Variants in DOCK4 observed in about 807,000 individuals in gnomAD.
DOCK4 encodes the protein dedicator of cytokinesis protein 4.
A neutral mutation model predicts 268.1 loss-of-function variants in DOCK4; 97 were observed. That is an observed-to-expected ratio of 0.36 (90% confidence interval 0.31 to 0.43). The LOEUF (loss-of-function observed/expected upper bound fraction) is 0.43, where lower values mean the gene tolerates loss of function less well. Ranked by LOEUF, DOCK4 falls within the 20% of genes least tolerant of loss-of-function variation. The probability of loss-of-function intolerance (pLI) is 1.00; values close to 1 mark genes in which losing one functional copy is unlikely to be tolerated. For missense variants in DOCK4, 2,145 were observed against 2,455.7 expected (o/e 0.87, Z 2.67); for synonymous variants, 954 against 887.2 (o/e 1.08, Z -1.34).
At chr7:111,804,305 A>T (rs1402386956) in intron 30 of DOCK4, among the ~76,000 whole-genome samples, 2 of 152,256 alleles carry the variant, frequency 1.3e-5, no homozygotes, top group Admixed American at 1.3e-4. Context: ...AATCTTGAGG[A>T]CAATCTGTTA....
At chr7:111,970,034 G>C (rs183965061) in intron 8 of DOCK4, among the ~76,000 whole-genome samples, 1 of 152,144 alleles carries the variant, frequency 6.6e-6, no homozygotes. Flanking sequence ...GACCTTGGAC[G>C]ATCAGTGATT....
rs144491143 is a variant in DOCK4, at chr7:112,041,266, T to C, written c.38-37135A>G. On this transcript the variant is annotated intron_variant, in intron 1 of 52. Coordinates refer to ENST00000428084, the MANE Select transcript of DOCK4 (RefSeq NM_001363540.2). ...GTAGCTGTCAGAGTAGATAAGAATATGCAATTATGAAGTTAAAAATGTATT... is the reference window on the plus strand; with the variant it reads ...GTAGCTGTCAGAGTAGATAAGAATACGCAATTATGAAGTTAAAAATGTATT... Among the ~76,000 whole-genome samples, 684 of 152,282 alleles carry C rather than the reference T, an allele frequency of 4.5e-3. 8 individuals are homozygous for C. The highest frequency in any genetic ancestry group is 0.016 in the African/African-American group (649 of 41,578).
intron 1 of DOCK4, among the ~76,000 whole-genome samples, chr7:112,195,278 C>CA (rs1426220605): frequency 1.3e-5 from 2 of 152,132 alleles, no homozygotes; most frequent in African/African-American, 2.4e-5. Context: ...GACTCCATCT[C>CA]AAAAAATAAA....
chr7:112,023,503 G>C (rs1322375597), intron 1 of DOCK4: 6 of 343,760 alleles, frequency 1.7e-5, no homozygotes, highest in African/African-American at 6.5e-5. Context: ...TTCTCACGGA[G>C]CAAAAGCTCA....
chr7:111,847,149 T>C, intron 23 of DOCK4, 23 bp from the exon 24 acceptor site: 1 of 1,613,118 alleles, frequency 6.2e-7, no homozygotes, highest in Non-Finnish European at 8.5e-7. Flanking sequence ...GAGTCATTAG[T>C]GTCACATCTG....
intron 30 of DOCK4, among the ~76,000 whole-genome samples, chr7:111,805,722 C>T (rs1273906251): frequency 6.6e-6 from 1 of 152,144 alleles, no homozygotes; most frequent in African/African-American, 2.4e-5. Flanking sequence ...AGAATTTCAA[C>T]ACTTCAGAGG....
intron 3 of DOCK4, among the ~76,000 whole-genome samples, chr7:111,998,759 CATA>C (rs1311521220): frequency 6.6e-6 from 1 of 152,044 alleles, no homozygotes; most frequent in African/African-American, 2.4e-5. Context: ...ACTCAGAAAA[CATA>C]ATGTTTATTA....
intron 26 of DOCK4, among the ~76,000 whole-genome samples, chr7:111,832,790 G>T (rs970260816): frequency 1.2e-4 from 19 of 152,224 alleles, no homozygotes; most frequent in Non-Finnish European, 2.6e-4. Context: ...AAAGTGCTGG[G>T]ATTACAGGCC....
At chr7:112,059,818 C>T (rs987505034) in intron 1 of DOCK4, among the ~76,000 whole-genome samples, 1 of 152,144 alleles carries the variant, frequency 6.6e-6, no homozygotes, top group Non-Finnish European at 1.5e-5. Context: ...AGAGACATTC[C>T]TTTTCAGATA....
intron 1 of DOCK4, among the ~76,000 whole-genome samples, chr7:112,137,773 C>T (rs1297740990): frequency 6.6e-6 from 1 of 152,200 alleles, no homozygotes; most frequent in Non-Finnish European, 1.5e-5. Context: ...CACTCCTCAG[C>T]CCAGCAACAG....
chr7:111,980,667 C>G (rs1401563705), intron 7 of DOCK4, among the ~76,000 whole-genome samples: 1 of 152,214 alleles, frequency 6.6e-6, no homozygotes, highest in African/African-American at 2.4e-5. Context: ...CTAGCCTCTA[C>G]CTACCAGATG....
intron 1 of DOCK4, among the ~76,000 whole-genome samples, chr7:112,112,100 C>T (rs1811707693): frequency 6.6e-6 from 1 of 152,150 alleles, no homozygotes; most frequent in African/African-American, 2.4e-5. Context: ...GGATGTGTGT[C>T]CCCTCCAAAT....
rs545971819 is a variant in DOCK4 at position 112,203,990 on chromosome 7, G to A, written c.37+2112C>T. 3.9e-5 allele frequency among the ~76,000 whole-genome samples: 6 copies of A among 152,182 alleles called. No homozygotes were observed. In the South Asian group the frequency reaches 1.2e-3, roughly 32 times the overall value. On this transcript the variant is annotated intron_variant, in intron 1 of 52. Coordinates refer to ENST00000428084, the MANE Select transcript of DOCK4 (RefSeq NM_001363540.2). Reference sequence around the variant, plus strand: ...TTGAGAACAACAGCAGTAATTTGGGGCAAAAGACCCTCTCTCTGCTCTCGT... The same window carrying A: ...TTGAGAACAACAGCAGTAATTTGGGACAAAAGACCCTCTCTCTGCTCTCGT...
chr7:111,733,765 C>CAAAT (rs1190468936), intron 51 of DOCK4, among the ~76,000 whole-genome samples: 1 of 152,154 alleles, frequency 6.6e-6, no homozygotes, highest in Admixed American at 6.5e-5. Flanking sequence ...GAATGAGATA[C>CAAAT]AAATAGTTTG....
chr7:111,988,944 T>C, intron 6 of DOCK4, 71 bp downstream of exon 6: 2 of 1,529,336 alleles, frequency 1.3e-6, no homozygotes, highest in Admixed American at 2.0e-5. Flanking sequence ...ATTACCACGT[T>C]CTGGCTCAGG....
chr7:111,932,302 C>T (rs1478340633), intron 12 of DOCK4, among the ~76,000 whole-genome samples: 1 of 152,108 alleles, frequency 6.6e-6, no homozygotes, highest in African/African-American at 2.4e-5. Flanking sequence ...GTAGGAAGGT[C>T]AGGGACTACA....
In DOCK4 at chr7:112,031,435, C is replaced by T. The variant is rs142723421; in HGVS notation, c.38-27304G>A. Among the ~76,000 whole-genome samples the T allele has an allele frequency of 2.2e-3, 332 of 151,844 alleles. 1 individual carries two copies. Among genetic ancestry groups the T allele is most frequent in the African/African-American group, 7.6e-3 (314 of 41,438 alleles). On this transcript the variant is annotated intron_variant, in intron 1 of 52. Transcript: ENST00000428084. ...TTTTCTTTTCCTTTTTTCCTTCCTC[C>T]CCTCCCTCCCTCTTCTCTGTCCTTC...
At position 111,901,736 on chromosome 7, in the gene DOCK4, C is replaced by T. The variant is rs768165193; in HGVS notation, c.1258G>A (p.Val420Met). ...RGEFEKGGKS[V>M]ARNVEVTMFI... Reference sequence around the variant, plus strand: ...ATCGTAACTTCCACATTTCTGGCCACGCTCTTCCCTCCTTTCTCAAATTCT... The same window carrying T: ...ATCGTAACTTCCACATTTCTGGCCATGCTCTTCCCTCCTTTCTCAAATTCT... Residue 420 changes from valine (V) to methionine (M), a missense_variant, in exon 14 of 53, where the codon GTG (valine) becomes ATG (methionine). By Grantham distance (21) the Val-to-Met change is conservative (BLOSUM62 1). Around this residue, in one of 2 missense-constraint regions of DOCK4, gnomAD observed 1,598 missense variants for 1,986.7 expected, o/e 0.80. Transcript: ENST00000428084. 30 of 1,612,392 alleles carry T rather than the reference C, an allele frequency of 1.9e-5. No individual in the cohort carries two copies. Among genetic ancestry groups the T allele is most frequent in the Admixed American group, 8.3e-5 (5 of 59,986 alleles).
intron 8 of DOCK4, among the ~76,000 whole-genome samples, chr7:111,950,595 T>A (rs553049381): frequency 6.6e-6 from 1 of 152,348 alleles, no homozygotes; most frequent in East Asian, 1.9e-4. Context: ...CCAAATACAA[T>A]CTTTTAGGAC....
Sources: allele counts gnomAD v4.1 joint callset (sites outside exome capture counted in the v4.1 genomes callset), GRCh38; gene constraint gnomAD v4.1.1; regional missense constraint gnomAD v4.1.1; transcripts MANE v1.5; gene names NCBI Gene and HGNC (gene_info 2026-07-23, HGNC 2026-07-21).